The following C8orf34 variants were observed in gnomAD, a reference collection of about 807,000 sequenced individuals.
The protein encoded by C8orf34 is uncharacterized protein C8orf34.
Under a neutral mutation model 68.3 loss-of-function variants are expected in C8orf34, and 65 were observed. The ratio of observed to expected loss-of-function variants is 0.95; its 90% CI spans 0.78 to 1.17. C8orf34 has a LOEUF of 1.17. C8orf34 is among the 50% of genes most tolerant of loss of function. The pLI is 0.00. For missense variants in C8orf34, 664 were observed against 655.4 expected (o/e 1.01, Z -0.14); for synonymous variants, 244 against 241.2 (o/e 1.01, Z -0.11).
chr8:68,495,377 C>T (rs1813483325), intron 5 of C8orf34, among the ~76,000 whole-genome samples: 1 of 151,988 alleles, frequency 6.6e-6, no homozygotes. Flanking sequence ...TCTTAATAAA[C>T]ATAGTTAACA....
intron 5 of C8orf34, among the ~76,000 whole-genome samples, chr8:68,498,098 G>C (rs1004608616): frequency 1.3e-5 from 2 of 152,208 alleles, no homozygotes; most frequent in Non-Finnish European, 2.9e-5. Context: ...AAAGTGCTGG[G>C]ATTACAGGCA....
intron 8 of C8orf34, among the ~76,000 whole-genome samples, chr8:68,685,689 C>T (rs1820493882): frequency 6.6e-6 from 1 of 151,872 alleles, no homozygotes; most frequent in African/African-American, 2.4e-5. Flanking sequence ...AACCCCATCT[C>T]TACCAAAAAT....
At chr8:68,387,145 G>A (rs942088652) in intron 1 of C8orf34, among the ~76,000 whole-genome samples, 1 of 152,056 alleles carries the variant, frequency 6.6e-6, no homozygotes, top group African/African-American at 2.4e-5. Context: ...GGTGAAAGGT[G>A]GTGATGGGCA....
At chr8:68,403,349 C>A (rs567454038) in intron 1 of C8orf34, among the ~76,000 whole-genome samples, 1 of 152,186 alleles carries the variant, frequency 6.6e-6, no homozygotes, top group African/African-American at 2.4e-5. Context: ...AGTTACTACA[C>A]ATGAGTGATT....
chr8:68,631,254 T>G (rs945193862), intron 7 of C8orf34, among the ~76,000 whole-genome samples: 1 of 151,572 alleles, frequency 6.6e-6, no homozygotes, highest in East Asian at 2.0e-4. Context: ...AGAGCAAGAC[T>G]CTATCTCAAA....
chr8:68,513,761 C>G (rs574115814), intron 5 of C8orf34, among the ~76,000 whole-genome samples: 3 of 152,184 alleles, frequency 2.0e-5, no homozygotes, highest in Non-Finnish European at 4.4e-5. Context: ...TGGCTGGGAA[C>G]CAGCCAGTTG....
intron 6 of C8orf34, among the ~76,000 whole-genome samples, chr8:68,529,028 C>A (rs180847336): frequency 6.6e-6 from 1 of 152,284 alleles, no homozygotes; most frequent in African/African-American, 2.4e-5. Context: ...CACTTCTCTT[C>A]ATTCCCTGCA....
intron 7 of C8orf34, among the ~76,000 whole-genome samples, chr8:68,586,727 A>G (rs1414498487): frequency 6.6e-6 from 1 of 152,142 alleles, no homozygotes; most frequent in Non-Finnish European, 1.5e-5. Context: ...TTTGAAAACA[A>G]ATAGCAAGCT....
intron 7 of C8orf34, chr8:68,534,095 A>G (rs1027607769): frequency 6.3e-5 from 62 of 983,480 alleles, no homozygotes; most frequent in Admixed American, 1.2e-4. Flanking sequence ...TGTTTATGGC[A>G]GTAAAATACT....
intron 1 of C8orf34, among the ~76,000 whole-genome samples, chr8:68,369,290 A>G (rs1807451905): frequency 6.6e-6 from 1 of 152,198 alleles, no homozygotes; most frequent in Non-Finnish European, 1.5e-5. Context: ...AGGCCACTCA[A>G]GTGGACAACC....
intron 9 of C8orf34, among the ~76,000 whole-genome samples, chr8:68,709,429 C>T (rs1179898426): frequency 6.6e-6 from 1 of 152,192 alleles, no homozygotes; most frequent in Non-Finnish European, 1.5e-5. Context: ...GGAACTGTTT[C>T]TCTGCCCCTT....
At chr8:68,756,184 GCTGAATACAGTACC>G (rs1299373313) in intron 10 of C8orf34, among the ~76,000 whole-genome samples, 7 of 152,114 alleles carry the variant, frequency 4.6e-5, no homozygotes, top group Non-Finnish European at 1.0e-4. Flanking sequence ...TGGCCCCTGT[GCTGAATACAGTACC>G]CTGGCACAGA....
intron 6 of C8orf34, among the ~76,000 whole-genome samples, chr8:68,532,099 TAGG>T (rs1240865361): frequency 1.3e-5 from 2 of 152,118 alleles, no homozygotes; most frequent in African/African-American, 4.8e-5. Flanking sequence ...CTAAAGATGC[TAGG>T]AGAACTGAGT....
At chr8:68,700,679 A>G (rs10113102) in intron 8 of C8orf34, among the ~76,000 whole-genome samples, 46,217 of 151,928 alleles carry the variant, frequency 0.3, 8,153 homozygotes, top group East Asian at 0.54. Context: ...TCATGCAAAT[A>G]CAAGTGGTCT....
intron 4 of C8orf34, among the ~76,000 whole-genome samples, chr8:68,477,718 C>T (rs1812683123): frequency 6.6e-6 from 1 of 152,240 alleles, no homozygotes; most frequent in Admixed American, 6.5e-5. Context: ...TCTGCCTGGA[C>T]ATTCAGGCAT....
At chr8:68,467,991 A>C (rs1274929084) in intron 3 of C8orf34, among the ~76,000 whole-genome samples, 1 of 151,964 alleles carries the variant, frequency 6.6e-6, no homozygotes, top group Non-Finnish European at 1.5e-5. Context: ...AAAGCAATTA[A>C]GTTCTTATAT....
chr8:68,674,738 A>G (rs1489881036), intron 8 of C8orf34, among the ~76,000 whole-genome samples: 1 of 152,154 alleles, frequency 6.6e-6, no homozygotes, highest in African/African-American at 2.4e-5. Flanking sequence ...AAGGGATAAT[A>G]TCAGAGAACT....
intron 8 of C8orf34, among the ~76,000 whole-genome samples, chr8:68,696,556 T>TAGATATAG (rs1820842025): frequency 2.0e-5 from 3 of 151,686 alleles, no homozygotes; most frequent in African/African-American, 7.3e-5. Context: ...AGATACAAAA[T>TAGATATAG]CTAATGAATC....
intron 4 of C8orf34, among the ~76,000 whole-genome samples, chr8:68,473,368 C>A (rs1812463034): frequency 6.6e-6 from 1 of 152,100 alleles, no homozygotes; most frequent in African/African-American, 2.4e-5. Context: ...AAGCTGGCTG[C>A]CCCACCCTAA....
Sources: allele counts gnomAD v4.1 joint callset (sites outside exome capture counted in the v4.1 genomes callset), GRCh38; gene constraint gnomAD v4.1.1; transcripts MANE v1.5; gene names NCBI Gene and HGNC (gene_info 2026-07-23, HGNC 2026-07-21).